CLPB: variants seen among roughly 807,000 people sequenced by gnomAD.
The protein encoded by CLPB is mitochondrial disaggregase.
In CLPB, 40 loss-of-function variants were observed where a neutral mutation model predicts 78.4. The ratio of observed to expected loss-of-function variants is 0.51; its 90% CI spans 0.40 to 0.66. The LOEUF (loss-of-function observed/expected upper bound fraction) is 0.66. CLPB is among the 30% of genes least tolerant of loss of function. The pLI is 0.00. For synonymous variants in CLPB, 333 were observed against 348.0 expected, an observed-to-expected ratio of 0.96 and a Z score of 0.48; for missense variants, 780 against 886.9, an observed-to-expected ratio of 0.88 and a Z score of 1.53.
chr11:72,317,341 T>TG, intron 6 of CLPB, 121 bp from the exon 7 acceptor site: 1 of 677,838 alleles, frequency 1.5e-6, no homozygotes, highest in South Asian at 2.0e-5. Context: ...TTCATAGCTG[T>TG]GGTTCATGGT....
chr11:72,402,761 G>A (rs557577514), intron 3 of CLPB, among the ~76,000 whole-genome samples: 29 of 152,346 alleles, frequency 1.9e-4, no homozygotes, highest in African/African-American at 6.5e-4. Flanking sequence ...CAATGACTGA[G>A]GGAGCTGGGA....
chr11:72,423,359 T>C (rs943935200), intron 2 of CLPB, among the ~76,000 whole-genome samples: 2 of 152,236 alleles, frequency 1.3e-5, no homozygotes, highest in Admixed American at 6.5e-5. Flanking sequence ...GCCAGAAAAC[T>C]GAAATTCATT....
intron 5 of CLPB, among the ~76,000 whole-genome samples, chr11:72,341,017 GT>G (rs1590816939): frequency 6.6e-6 from 1 of 152,080 alleles, no homozygotes; most frequent in African/African-American, 2.4e-5. Context: ...TAGAGATGGG[GT>G]TTCACTGTGT....
chr11:72,330,476 A>AT (rs1275739895), intron 5 of CLPB, among the ~76,000 whole-genome samples: 1 of 152,228 alleles, frequency 6.6e-6, no homozygotes, highest in East Asian at 1.9e-4. Context: ...GGGGCCATGT[A>AT]TCTACCTTCT....
At chr11:72,298,022 G>A (rs1390705852) in intron 11 of CLPB, among the ~76,000 whole-genome samples, 1 of 152,082 alleles carries the variant, frequency 6.6e-6, no homozygotes, top group Non-Finnish European at 1.5e-5. Flanking sequence ...CAACCAGAGC[G>A]TGCACATCTT....
chr11:72,420,124 C>T (rs750350646), intron 2 of CLPB, among the ~76,000 whole-genome samples: 2 of 152,098 alleles, frequency 1.3e-5, no homozygotes, highest in Non-Finnish European at 2.9e-5. Flanking sequence ...GGCAGGACTG[C>T]TTGAGCCCAG....
chr11:72,410,501 A>C (rs968338725), intron 2 of CLPB, among the ~76,000 whole-genome samples: 1 of 152,258 alleles, frequency 6.6e-6, no homozygotes, highest in Non-Finnish European at 1.5e-5. Flanking sequence ...ACAAAATAGC[A>C]TAAGAAGAGC....
intron 5 of CLPB, chr11:72,337,112 C>T (rs547934307): frequency 5.0e-6 from 2 of 398,676 alleles, no homozygotes; most frequent in African/African-American, 4.1e-5. Flanking sequence ...CAATTCTCCT[C>T]TACTTTCCCA....
chr11:72,321,957 A>T (rs562975346), intron 6 of CLPB, among the ~76,000 whole-genome samples: 1 of 147,594 alleles, frequency 6.8e-6, no homozygotes, highest in South Asian at 2.2e-4. Flanking sequence ...AGGGGGTAAC[A>T]GATGAGATGG....
chr11:72,357,056 C>G (rs1053178673), intron 5 of CLPB: 1 of 152,240 alleles, frequency 6.6e-6, no homozygotes, highest in Non-Finnish European at 1.5e-5. Flanking sequence ...GCTCCAGAAG[C>G]ATCAGTCATC....
chr11:72,365,198 T>C (rs1950920376), intron 4 of CLPB, among the ~76,000 whole-genome samples: 1 of 152,160 alleles, frequency 6.6e-6, no homozygotes, highest in Non-Finnish European at 1.5e-5. Context: ...TGGCACATGC[T>C]TGTGGTCCTA....
intron 6 of CLPB, among the ~76,000 whole-genome samples, chr11:72,319,853 AAC>A (rs1950013571): frequency 6.6e-6 from 1 of 152,232 alleles, no homozygotes; most frequent in Non-Finnish European, 1.5e-5. Flanking sequence ...GCATTTTGAT[AAC>A]AGACTGTCTA....
chr11:72,371,816 T>C (rs904811025), intron 4 of CLPB, among the ~76,000 whole-genome samples: 1 of 152,162 alleles, frequency 6.6e-6, no homozygotes, highest in African/African-American at 2.4e-5. Context: ...TTCCTATACT[T>C]GGAGGCTCAA....
chr11:72,335,362 AAG>A, intron 5 of CLPB, among the ~76,000 whole-genome samples: 1 of 152,254 alleles, frequency 6.6e-6, no homozygotes. Flanking sequence ...ATTCCCTAAG[AAG>A]ATACTCCCTT....
chr11:72,295,492 C>T lies in CLPB; in HGVS notation c.1486G>A (p.Gly496Arg). ...AGACTGCTCAGGTCAGCCGCCATACCCAGGTTTTCGGCAATACGGTTACGG... is the reference window on the plus strand; with the variant it reads ...AGACTGCTCAGGTCAGCCGCCATACTCAGGTTTTCGGCAATACGGTTACGG... ...MSRNRIAENLGDVQISDKITI... is the reference protein window; with the variant it reads ...MSRNRIAENLRDVQISDKITI... The change falls in exon 12 of 16, where the codon GGG becomes AGG. Residue 496 changes from glycine to arginine, a missense_variant and splice_region_variant. Coordinates refer to ENST00000538039, the MANE Select transcript of CLPB (RefSeq NM_001258392.3). 1.2e-6 allele frequency: 2 copies of T among 1,613,846 alleles called. No individual in the cohort carries two copies. Among genetic ancestry groups the T allele is most frequent in the Non-Finnish European group, 8.5e-7 (1 of 1,179,768 alleles).
chr11:72,350,365 CAG>C, intron 5 of CLPB, among the ~76,000 whole-genome samples: 1 of 152,306 alleles, frequency 6.6e-6, no homozygotes. Context: ...TTTTGAGTCT[CAG>C]TGTAAATGCC....
intron 5 of CLPB, among the ~76,000 whole-genome samples, chr11:72,335,320 C>G (rs1162805128): frequency 1.3e-5 from 2 of 152,194 alleles, no homozygotes; most frequent in Non-Finnish European, 2.9e-5. Flanking sequence ...CAATTATTGA[C>G]TCTCCAAGTG....
intron 8 of CLPB, 127 bp from the exon 9 acceptor site, chr11:72,307,381 A>G: frequency 1.2e-6 from 1 of 812,828 alleles, no homozygotes. Context: ...GAGGCGCAGA[A>G]AGGATCAGCG....
chr11:72,314,306 G>A (rs1348045013), intron 7 of CLPB, among the ~76,000 whole-genome samples: 3 of 152,202 alleles, frequency 2.0e-5, no homozygotes, highest in Admixed American at 6.5e-5. Context: ...GAAAGCTGCC[G>A]GGTATGTGCA....
Sources: gnomAD v4.1 joint callset for allele counts (sites outside exome capture counted in the v4.1 genomes callset) on GRCh38, gnomAD v4.1.1 for gene constraint, MANE v1.5 for transcripts, NCBI Gene and HGNC (gene_info 2026-07-23, HGNC 2026-07-21) for gene names.